Variants in STT3A observed in about 807,000 individuals in gnomAD.
STT3A encodes the protein STT3 oligosaccharyltransferase complex catalytic subunit A.
Under a neutral mutation model 89.2 loss-of-function variants are expected in STT3A, and 34 were observed. The ratio of observed to expected loss-of-function variants is 0.38; its 90% CI spans 0.29 to 0.51. The LOEUF is 0.51. Ranked by LOEUF, STT3A falls within the 20% of genes least tolerant of loss-of-function variation. The pLI is 0.89. For missense variants in STT3A, 555 were observed against 889.5 expected, an observed-to-expected ratio of 0.62 and a Z score of 4.78; for synonymous variants, 282 against 310.3, an observed-to-expected ratio of 0.91 and a Z score of 0.96.
rs747389440 is a variant in STT3A, at chr11:125,612,981, T to G, written c.1366-8T>G. On this transcript the variant is annotated splice_polypyrimidine_tract_variant and splice_region_variant and intron_variant, in intron 12 of 17. Coordinates refer to ENST00000392708, the MANE Select transcript of STT3A (RefSeq NM_152713.5). ...TAACTACACAATTAATTCTTTTTCC[T>G]TGTTTAGGTGGCAAGTGGGATGATA... The G allele has an allele frequency of 1.9e-6, 3 of 1,613,046 alleles. No homozygotes were observed. The East Asian group carries it at 6.7e-5, about 36-fold the overall frequency.
At chr11:125,616,434 T>G (rs1210453519) in intron 15 of STT3A, among the ~76,000 whole-genome samples, 2 of 152,224 alleles carry the variant, frequency 1.3e-5, no homozygotes, top group Non-Finnish European at 2.9e-5. Context: ...TATTTTTGAT[T>G]AGAGGTTTGT....
intron 3 of STT3A, among the ~76,000 whole-genome samples, chr11:125,598,021 G>A (rs1939546919): frequency 6.6e-6 from 1 of 152,308 alleles, no homozygotes; most frequent in African/African-American, 2.4e-5. Context: ...AGACCAGCCT[G>A]GCCAACATAG....
intron 16 of STT3A, among the ~76,000 whole-genome samples, chr11:125,619,419 C>T (rs181769631): frequency 6.6e-6 from 1 of 152,248 alleles, no homozygotes; most frequent in Non-Finnish European, 1.5e-5. Context: ...CCTAGTGTCA[C>T]ATAACTAATG....
intron 8 of STT3A, among the ~76,000 whole-genome samples, chr11:125,607,466 A>G (rs1939872771): frequency 6.6e-6 from 1 of 152,228 alleles, no homozygotes; most frequent in African/African-American, 2.4e-5. Flanking sequence ...AAAGAAATAC[A>G]GGCAGCTGTC....
At chr11:125,599,396 CTT>C (rs1939605177) in intron 3 of STT3A, among the ~76,000 whole-genome samples, 1 of 152,050 alleles carries the variant, frequency 6.6e-6, no homozygotes, top group South Asian at 2.1e-4. Flanking sequence ...GTTTGAGACT[CTT>C]TGTTTATTTT....
At chr11:125,607,986 T>G (rs1422351252) in intron 8 of STT3A, 123 bp from the exon 9 acceptor site, 2 of 1,031,198 alleles carry the variant, frequency 1.9e-6, no homozygotes, top group Non-Finnish European at 2.7e-6. Context: ...TGGCCCTGAT[T>G]CCTTCGGGGC....
chr11:125,606,358 G>C lies in STT3A; in HGVS notation c.673G>C (p.Val225Leu). 3 of 1,614,096 alleles carry C rather than the reference G, an allele frequency of 1.9e-6. No individual in the cohort carries two copies. The highest frequency in any genetic ancestry group is 2.5e-6 in the Non-Finnish European group (3 of 1,180,030). Reference protein sequence around the residue: ...LINLIPLHVLVLMLTGRFSHR... With the variant: ...LINLIPLHVLLLMLTGRFSHR... ...CAACTTAATTCCTCTCCACGTCCTC[G>C]TGCTGATGCTCACAGGCCGTTTCTC... The change falls in exon 8 of 18, where the codon GTG (valine) becomes CTG (leucine). Residue 225 changes from valine to leucine, a missense_variant. Physicochemically the swap from Val to Leu is conservative, Grantham distance 32. Coordinates refer to ENST00000392708, the MANE Select transcript of STT3A (RefSeq NM_152713.5).
In STT3A at chr11:125,605,651, A is replaced by C. The variant is rs369084481; in HGVS notation, c.531A>C (p.Leu177=). The change falls in exon 7 of 18, where the codon CTA becomes CTC. Residue 177 remains leucine (L), a synonymous_variant. Transcript: ENST00000392708. ...DNEGIAIFCM[L]LTYYMWIKAV... is the part of the protein sequence containing the mutation. ...CAGGGATTGCCATCTTTTGCATGCT[A>C]CTCACCTACTACATGTGGATCAAGG... The C allele has an allele frequency of 8.1e-6, 13 of 1,613,766 alleles. No homozygotes were observed. The highest frequency in any genetic ancestry group is 1.1e-5 in the Non-Finnish European group (13 of 1,179,948).
chr11:125,616,838 C>T (rs532161074), intron 15 of STT3A, among the ~76,000 whole-genome samples: 2 of 152,082 alleles, frequency 1.3e-5, no homozygotes, highest in Non-Finnish European at 2.9e-5. Flanking sequence ...CCACCATGCC[C>T]GGCCAATTTT....
At chr11:125,601,647 C>T (rs1939683524) in intron 3 of STT3A, among the ~76,000 whole-genome samples, 1 of 151,940 alleles carries the variant, frequency 6.6e-6, no homozygotes, top group South Asian at 2.1e-4. Flanking sequence ...AATAAGAAAG[C>T]CAAAATCTAT....
intron 7 of STT3A, among the ~76,000 whole-genome samples, chr11:125,605,938 G>T (rs1939821424): frequency 1.3e-5 from 2 of 151,914 alleles, no homozygotes. Flanking sequence ...TAAATCCTCT[G>T]TGTGACCTTA....
chr11:125,602,576 C>A, intron 4 of STT3A, 152 bp downstream of exon 4: 1 of 1,133,146 alleles, frequency 8.8e-7, no homozygotes, highest in Non-Finnish European at 1.2e-6. Context: ...CTTACATAAA[C>A]AGGAGTACAT....
At chr11:125,596,194 G>T (rs1426105268) in intron 2 of STT3A, among the ~76,000 whole-genome samples, 191 bp downstream of exon 2, 1 of 152,238 alleles carries the variant, frequency 6.6e-6, no homozygotes, top group African/African-American at 2.4e-5. Context: ...GCCACATGCA[G>T]TGGTTCACGC....
rs1269185389 is a variant in STT3A at position 125,620,925 on chromosome 11, A to T, written c.*115A>T. ...GTTTGTAAGAACAAAACTGGATGGCATCAGAATTGTCTGGAAGTTTTGTCT... is the reference window on the plus strand; with the variant it reads ...GTTTGTAAGAACAAAACTGGATGGCTTCAGAATTGTCTGGAAGTTTTGTCT... On this transcript the variant is annotated 3_prime_UTR_variant, in exon 18 of 18. Transcript: ENST00000392708. 1.2e-6 allele frequency: 1 copy of T among 854,558 alleles called. No individual in the cohort carries two copies. The highest frequency in any genetic ancestry group is 1.8e-5 in the African/African-American group (1 of 56,238). The allele number at this position is 854,558 out of a possible 1,614,324, so 52.9% of individuals were successfully genotyped here.
rs900018778 is a variant in STT3A, at chr11:125,598,211, C to CA, written c.149+1102dup. On this transcript the variant is annotated intron_variant, in intron 3 of 17. Coordinates refer to ENST00000392708, the MANE Select transcript of STT3A (RefSeq NM_152713.5). Reference sequence around the variant, plus strand: ...TGGGCTACAGAGCAAGGCTCCATCTCAAAAAAAAAAGAAAAAGAAAAAAGA... The same window carrying CA: ...TGGGCTACAGAGCAAGGCTCCATCTCAAAAAAAAAAAGAAAAAGAAAAAAGA... Among the ~76,000 whole-genome samples the CA allele has an allele frequency of 7.0e-3, 1,002 of 144,168 alleles. 9 individuals carry two copies. The highest frequency in any genetic ancestry group is 0.023 in the African/African-American group (911 of 39,180). 94.6% of individuals were successfully genotyped at this position (144,168 alleles called of 152,430 possible). A position where few individuals can be genotyped will look rare whatever the true frequency, so the allele number is the denominator to read the frequency against.
chr11:125,596,326 G>A (rs1006484611), intron 2 of STT3A, among the ~76,000 whole-genome samples: 16 of 152,164 alleles, frequency 1.1e-4, no homozygotes, highest in African/African-American at 3.9e-4. Flanking sequence ...CTAGTTGAGT[G>A]TGGTGGTGGA....
chr11:125,609,923 T>G (rs1026683378), intron 10 of STT3A: 10 of 236,130 alleles, frequency 4.2e-5, no homozygotes, highest in Non-Finnish European at 7.4e-5. Context: ...TTTTTCCTCT[T>G]GGAAGTATTG....
At chr11:125,606,263 C>A in intron 7 of STT3A, 38 bp from the exon 8 acceptor site, 1 of 1,589,122 alleles carries the variant, frequency 6.3e-7, no homozygotes, top group South Asian at 1.1e-5. Context: ...TCTGAGGAGG[C>A]ATACTCAGAG....
chr11:125,595,938 G>C lies in STT3A; in HGVS notation c.23G>C (p.Arg8Pro). Residue 8 changes from arginine to proline, a missense_variant, in exon 2 of 18, where the codon CGA becomes CCA. Coordinates refer to ENST00000392708, the MANE Select transcript of STT3A (RefSeq NM_152713.5). MTKFGFL[R>P]LSYEKQDTLL... ...AAGATGACTAAGTTTGGATTTTTGCGATTGTCCTATGAGAAGCAGGACACA... is the reference window on the plus strand; with the variant it reads ...AAGATGACTAAGTTTGGATTTTTGCCATTGTCCTATGAGAAGCAGGACACA... The C allele has an allele frequency of 6.2e-7, 1 of 1,613,608 alleles. No individual in the cohort carries two copies. The highest frequency in any genetic ancestry group is 8.5e-7 in the Non-Finnish European group (1 of 1,179,792).
Sources: gnomAD v4.1 joint callset for allele counts (sites outside exome capture counted in the v4.1 genomes callset) on GRCh38, gnomAD v4.1.1 for gene constraint, MANE v1.5 for transcripts, NCBI Gene and HGNC (gene_info 2026-07-23, HGNC 2026-07-21) for gene names.